Variants in TP53BP1 observed in about 807,000 individuals in gnomAD.
The protein encoded by TP53BP1 is TP53-binding protein 1.
TP53BP1 carries 61 observed loss-of-function variants against 200.8 expected under a neutral mutation model. That is an observed-to-expected ratio of 0.30 (90% CI 0.25 to 0.38). TP53BP1 has a LOEUF of 0.38. Ranked by LOEUF, TP53BP1 falls within the 10% of genes least tolerant of loss-of-function variation. TP53BP1 has a pLI of 1.00. For synonymous variants in TP53BP1, 822 were observed against 844.3 expected (o/e 0.97, Z 0.46); for missense variants, 2,144 against 2,371.9 (o/e 0.90, Z 2.00).
At chr15:43,494,053 C>G (rs1034422765), upstream of TP53BP1, among the ~76,000 whole-genome samples, 1 of 152,038 alleles carries the variant, frequency 6.6e-6, no homozygotes, top group Non-Finnish European at 1.5e-5. Context: ...TGAACTAAGC[C>G]CCATGTGGCA....
At chr15:43,469,352 G>A (rs1225316249) in intron 11 of TP53BP1, among the ~76,000 whole-genome samples, 1 of 152,064 alleles carries the variant, frequency 6.6e-6, no homozygotes, top group East Asian at 1.9e-4. Flanking sequence ...ACTTTTGAAA[G>A]GATAAGTGAA....
chr15:43,495,660 A>G (rs961055610), upstream of TP53BP1, among the ~76,000 whole-genome samples: 3 of 151,802 alleles, frequency 2.0e-5, no homozygotes, highest in Non-Finnish European at 4.4e-5. Flanking sequence ...TACTAAAAAT[A>G]CAAAAAATTA....
At chr15:43,441,873 C>T (rs1261970395) in intron 14 of TP53BP1, among the ~76,000 whole-genome samples, 1 of 152,086 alleles carries the variant, frequency 6.6e-6, no homozygotes, top group African/African-American at 2.4e-5. Context: ...CCTCAACCTC[C>T]CGAGTAGCTG....
At chr15:43,471,335 A>C (rs151315289) in intron 10 of TP53BP1, among the ~76,000 whole-genome samples, 2 of 152,142 alleles carry the variant, frequency 1.3e-5, no homozygotes, top group African/African-American at 4.8e-5. Flanking sequence ...CTATATCTGG[A>C]GTGTAGTATC....
chr15:43,448,061 G>A (rs573217725), intron 12 of TP53BP1, among the ~76,000 whole-genome samples: 1 of 152,296 alleles, frequency 6.6e-6, no homozygotes, highest in South Asian at 2.1e-4. Flanking sequence ...TCATGGTTCA[G>A]CAGTACGGAC....
At chr15:43,492,170 T>C in intron 2 of TP53BP1, 75 bp from the exon 3 acceptor site, 1 of 1,508,146 alleles carries the variant, frequency 6.6e-7, no homozygotes. Flanking sequence ...TTGTGAACAA[T>C]TTTTCCAATC....
intron 14 of TP53BP1, among the ~76,000 whole-genome samples, chr15:43,443,570 C>T (rs2045976175): frequency 6.6e-6 from 1 of 152,002 alleles, no homozygotes; most frequent in South Asian, 2.1e-4. Flanking sequence ...GTGGGCGTGC[C>T]TGTAGTCCCA....
In TP53BP1 at chr15:43,456,267, C is replaced by T; in HGVS notation, c.2341G>A (p.Glu781Lys). The T allele has an allele frequency of 6.2e-7, 1 of 1,614,174 alleles. No homozygotes were observed. The highest frequency in any genetic ancestry group is 1.1e-5 in the South Asian group (1 of 91,090). ...GAATCTGAGCACTTCTCCACTCCCT[C>T]CAAAGGTTCACAAGAAACATCAACT... ...PRVDVSCEPL[E>K]GVEKCSDSQS... The change falls in exon 12 of 28, where the codon GAG becomes AAG. Residue 781 changes from glutamate to lysine, a missense_variant. Physicochemically the swap from Glu to Lys is moderately conservative, Grantham distance 56. Transcript: ENST00000382044.
At chr15:43,446,749 C>A in intron 13 of TP53BP1, 159 bp from the exon 14 acceptor site, 1 of 1,507,104 alleles carries the variant, frequency 6.6e-7, no homozygotes. Context: ...TCAACAACTA[C>A]GAACTAGTAT....
chr15:43,420,189 C>CT, intron 21 of TP53BP1, 116 bp downstream of exon 21: 1 of 1,021,272 alleles, frequency 9.8e-7, no homozygotes, highest in Non-Finnish European at 1.4e-6. Context: ...AATGAAATTT[C>CT]TGACTTTAGA....
In TP53BP1 at chr15:43,413,165, G is replaced by A. The variant is rs2045169612; in HGVS notation, c.5259C>T (p.Arg1753=). The change falls in exon 24 of 28, where the codon CGC becomes CGT. Residue 1753 remains arginine (R), a synonymous_variant. Transcript: ENST00000382044. ...CTGTAGGACCATCTGGCAGTTTGGA[G>A]CGGCTGGCCAACTTGTCACTGGTTG... The part of the protein sequence containing the change: ...MATTSDKLAS[R]SKLPDGPTGS... 6.2e-7 allele frequency: 1 copy of A among 1,614,184 alleles called. No individual in the cohort carries two copies. The highest frequency in any genetic ancestry group is 8.5e-7 in the Non-Finnish European group (1 of 1,180,030).
chr15:43,484,044 CA>C (rs1475082231), intron 4 of TP53BP1, among the ~76,000 whole-genome samples: 1 of 152,220 alleles, frequency 6.6e-6, no homozygotes, highest in Non-Finnish European at 1.5e-5. Context: ...ATTACCTCCT[CA>C]ACACATCCAG....
intron 7 of TP53BP1, 68 bp downstream of exon 7, chr15:43,479,329 C>T (rs1326306084): frequency 2.8e-6 from 4 of 1,414,804 alleles, no homozygotes; most frequent in Non-Finnish European, 3.7e-6. Context: ...ATGTTTTCAT[C>T]TGGTAAAATG....
upstream of TP53BP1, chr15:43,497,354 T>G: frequency 1.0e-6 from 1 of 955,154 alleles, no homozygotes; most frequent in Non-Finnish European, 1.2e-6. Flanking sequence ...CACCCCAGCC[T>G]GGGCTACAGA....
chr15:43,415,233 G>A, intron 23 of TP53BP1: 2 of 166,180 alleles, frequency 1.2e-5, no homozygotes, highest in Admixed American at 6.8e-5. Context: ...TGGAGACCAA[G>A]TTTCACTCTT....
At chr15:43,503,298 T>C (rs966320351) in intron 1 of TP53BP1, among the ~76,000 whole-genome samples, 1 of 152,238 alleles carries the variant, frequency 6.6e-6, no homozygotes, top group African/African-American at 2.4e-5. Context: ...CACTGTAGAT[T>C]AGTTTTGCCC....
chr15:43,434,951 G>C (rs2045756688), intron 16 of TP53BP1, among the ~76,000 whole-genome samples: 1 of 152,104 alleles, frequency 6.6e-6, no homozygotes, highest in South Asian at 2.1e-4. Context: ...GCCAGACTTA[G>C]AAACTGATGC....
At position 43,492,400 on chromosome 15, in the gene TP53BP1, T is replaced by C. The variant is rs2079138154; in HGVS notation, c.76A>G (p.Ile26Val). Residue 26 changes from isoleucine to valine, a missense_variant, in exon 2 of 28, where the codon ATA becomes GTA. By Grantham distance (29) the Ile-to-Val change is conservative. Coordinates refer to ENST00000382044, the MANE Select transcript of TP53BP1 (RefSeq NM_001141980.3). Reference sequence around the variant, plus strand: ...CTTTCAGGCTGAGAATCTTCAATTATCAGGCAAGGAGTATCTTGCTGAGAG... The same window carrying C: ...CTTTCAGGCTGAGAATCTTCAATTACCAGGCAAGGAGTATCTTGCTGAGAG... ...DFSQQDTPCL[I>V]IEDSQPESQV... The C allele has an allele frequency of 1.2e-6, 2 of 1,614,048 alleles. No homozygotes were observed. Among genetic ancestry groups the C allele is most frequent in the South Asian group, 1.1e-5 (1 of 91,066 alleles).
At chr15:43,434,796 T>C (rs1361105574) in intron 16 of TP53BP1, among the ~76,000 whole-genome samples, 1 of 152,182 alleles carries the variant, frequency 6.6e-6, no homozygotes, top group African/African-American at 2.4e-5. Flanking sequence ...CCAAAGAGAC[T>C]AAGACACCTC....
Sources: allele counts gnomAD v4.1 joint callset (sites outside exome capture counted in the v4.1 genomes callset), GRCh38; gene constraint gnomAD v4.1.1; transcripts MANE v1.5; gene names NCBI Gene and HGNC (gene_info 2026-07-23, HGNC 2026-07-21).